TXNDC11: variants seen among roughly 807,000 people sequenced by gnomAD.
The protein encoded by TXNDC11 is thioredoxin domain-containing protein 11.
Under a neutral mutation model 78.0 loss-of-function variants are expected in TXNDC11, and 68 were observed. The ratio of observed to expected loss-of-function variants is 0.87; its 90% CI spans 0.72 to 1.07. TXNDC11 has a LOEUF of 1.07. TXNDC11 is among the 50% of genes least tolerant of loss of function. The pLI is 0.00. For synonymous variants in TXNDC11, 571 were observed against 495.2 expected (o/e 1.15, Z -2.03); for missense variants, 1,389 against 1,221.8 (o/e 1.14, Z -2.04).
At chr16:11,730,120 GGTTGAA>G (rs1221274390) in intron 4 of TXNDC11, among the ~76,000 whole-genome samples, 1 of 152,038 alleles carries the variant, frequency 6.6e-6, no homozygotes, top group Non-Finnish European at 1.5e-5. Flanking sequence ...ATTTACCAGG[GGTTGAA>G]GTTGGCAGTG....
intron 10 of TXNDC11, 109 bp downstream of exon 10, chr16:11,687,748 C>T: frequency 1.3e-6 from 1 of 749,438 alleles, no homozygotes; most frequent in East Asian, 2.9e-5. Context: ...CCAAGTCCTA[C>T]CAAAGGTTAA....
chr16:11,684,366 C>G (rs1188836437), intron 10 of TXNDC11, 121 bp from the exon 11 acceptor site: 1 of 661,630 alleles, frequency 1.5e-6, no homozygotes, highest in African/African-American at 1.8e-5. Context: ...TGGGCTAGTC[C>G]CTTCTCGATG....
chr16:11,679,839 TG>T lies in TXNDC11; in HGVS notation c.2235-3del, dbSNP rs1415693918. 11 of 1,603,890 alleles carry T rather than the reference TG, an allele frequency of 6.9e-6. No homozygotes were observed. The African/African-American group carries it at 1.5e-4, about 21-fold the overall frequency. ...GGGTATTTCACACTTAGGTCCTTTCTGGAGAGAGAGGGAAAGGAAGCAAAGA... is the reference window on the plus strand; with the variant it reads ...GGGTATTTCACACTTAGGTCCTTTCTGAGAGAGAGGGAAAGGAAGCAAAGA... On this transcript the variant is annotated splice_polypyrimidine_tract_variant and splice_region_variant and intron_variant, in intron 11 of 11. Transcript: ENST00000283033. This position sits in a 1 kb window ranked among gnomAD's most constrained non-coding sequence, Gnocchi z 4.6.
In TXNDC11 at chr16:11,679,193, AG is replaced by A; in HGVS notation, c.*1del. The A allele has an allele frequency of 6.2e-7, 1 of 1,612,402 alleles. No individual in the cohort carries two copies. Among genetic ancestry groups the A allele is most frequent in the Non-Finnish European group, 8.5e-7 (1 of 1,179,740 alleles). On this transcript the variant is annotated 3_prime_UTR_variant, in exon 12 of 12. Coordinates refer to ENST00000283033, the MANE Select transcript of TXNDC11 (RefSeq NM_015914.7). This position sits in a 1 kb window ranked among gnomAD's most constrained non-coding sequence, Gnocchi z 4.6. ...TCTGATTTCTTCATATCATTTAAAA[AG>A]TTAGTCTGTCCTGTTCTCCTTATTC...
At chr16:11,719,866 T>C (rs1340531860) in intron 5 of TXNDC11, among the ~76,000 whole-genome samples, 1 of 152,214 alleles carries the variant, frequency 6.6e-6, no homozygotes, top group Non-Finnish European at 1.5e-5. Flanking sequence ...GTTTCAGTTA[T>C]TTAATTGTGG....
At chr16:11,740,304 AAATT>A (rs2052354601) in intron 1 of TXNDC11, among the ~76,000 whole-genome samples, 1 of 152,234 alleles carries the variant, frequency 6.6e-6, no homozygotes, top group Admixed American at 6.5e-5. Flanking sequence ...GACCCTAAAA[AAATT>A]AATCCGAGTC....
At chr16:11,732,366 C>T (rs2052081722) in intron 3 of TXNDC11, among the ~76,000 whole-genome samples, 1 of 152,270 alleles carries the variant, frequency 6.6e-6, no homozygotes, top group African/African-American at 2.4e-5. Flanking sequence ...GGCTTCCATG[C>T]CTTTTTTCAA....
At chr16:11,686,749 A>G (rs1567293303) in intron 10 of TXNDC11, among the ~76,000 whole-genome samples, 1 of 152,246 alleles carries the variant, frequency 6.6e-6, no homozygotes, top group Non-Finnish European at 1.5e-5. Flanking sequence ...AAACCTGCTC[A>G]CATCCTTTGT....
chr16:11,699,108 G>C (rs1375651959), intron 6 of TXNDC11, among the ~76,000 whole-genome samples: 1 of 152,170 alleles, frequency 6.6e-6, no homozygotes, highest in East Asian at 1.9e-4. Flanking sequence ...TCAAAACGAA[G>C]ATTTAAATTG....
intron 5 of TXNDC11, among the ~76,000 whole-genome samples, chr16:11,701,943 A>G (rs1454295395): frequency 6.6e-6 from 1 of 152,094 alleles, no homozygotes; most frequent in African/African-American, 2.4e-5. Flanking sequence ...ACCAAGAAAC[A>G]TTCTGCAAAT....
chr16:11,735,958 T>C, intron 2 of TXNDC11, 59 bp downstream of exon 2: 2 of 1,536,962 alleles, frequency 1.3e-6, no homozygotes, highest in Non-Finnish European at 1.8e-6. Flanking sequence ...TGTGGGGACA[T>C]CCTGCCCTAC....
chr16:11,721,521 G>T, intron 5 of TXNDC11, 56 bp downstream of exon 5: 1 of 911,518 alleles, frequency 1.1e-6, no homozygotes, highest in Non-Finnish European at 1.8e-6. Flanking sequence ...ACATGGAAAA[G>T]ATGTAAGTAA....
At chr16:11,714,654 T>A (rs1003856925) in intron 5 of TXNDC11, among the ~76,000 whole-genome samples, 85 of 150,038 alleles carry the variant, frequency 5.7e-4, no homozygotes, top group Non-Finnish European at 6.1e-4. Flanking sequence ...AAAAAAAAAA[T>A]TTCCAATCTG....
rs61656895 is a variant in TXNDC11, at chr16:11,730,341, C to A, written c.699+304G>T. ...TAATATTCTTAGAAATTTGCAGTTG[C>A]ACATAAATTGTAAGTTAATTCTCAT... On this transcript the variant is annotated intron_variant, in intron 4 of 11. Coordinates refer to ENST00000283033, the MANE Select transcript of TXNDC11 (RefSeq NM_015914.7). Among the ~76,000 whole-genome samples, 353 of 152,240 alleles carry A rather than the reference C, an allele frequency of 2.3e-3. 2 individuals are homozygous for A. The highest frequency in any genetic ancestry group is 8.1e-3 in the African/African-American group (338 of 41,524).
chr16:11,706,107 G>T (rs935056644), intron 5 of TXNDC11, among the ~76,000 whole-genome samples: 7 of 151,872 alleles, frequency 4.6e-5, no homozygotes, highest in Admixed American at 3.3e-4. Flanking sequence ...TATCCCATTC[G>T]ATTAAAAAAA....
chr16:11,690,944 C>G, intron 8 of TXNDC11: 1 of 293,592 alleles, frequency 3.4e-6, no homozygotes, highest in Non-Finnish European at 6.4e-6. Flanking sequence ...ACCAGAATAG[C>G]TCTCCACCTC....
intron 5 of TXNDC11, among the ~76,000 whole-genome samples, chr16:11,709,375 C>G (rs2141054700): frequency 6.6e-6 from 1 of 151,190 alleles, no homozygotes; most frequent in South Asian, 2.1e-4. Flanking sequence ...GCCTCAGCCT[C>G]CCGAGTAGCT....
At chr16:11,698,783 G>T (rs540592272) in intron 6 of TXNDC11, among the ~76,000 whole-genome samples, 1 of 152,330 alleles carries the variant, frequency 6.6e-6, no homozygotes, top group African/African-American at 2.4e-5. Flanking sequence ...TGGAGCCTCC[G>T]TGCGGCACAG....
At chr16:11,682,184 C>T (rs1214176585) in intron 11 of TXNDC11, among the ~76,000 whole-genome samples, 3 of 152,272 alleles carry the variant, frequency 2.0e-5, no homozygotes, top group Non-Finnish European at 2.9e-5. Context: ...TGTCAGCTCA[C>T]GCTGCTTGCC....
Sources: gnomAD v4.1 joint callset for allele counts (sites outside exome capture counted in the v4.1 genomes callset) on GRCh38, gnomAD v4.1.1 for gene constraint, Gnocchi (gnomAD v3.1) non-coding constraint, MANE v1.5 for transcripts, NCBI Gene and HGNC (gene_info 2026-07-23, HGNC 2026-07-21) for gene names.